Variants in NIPBL observed in about 807,000 individuals in gnomAD.
NIPBL encodes the protein NIPBL cohesin loading factor.
In NIPBL, 19 loss-of-function variants were observed where a neutral mutation model predicts 321.8. The ratio of observed to expected loss-of-function variants is 0.06; its 90% CI spans 0.04 to 0.09. The LOEUF (loss-of-function observed/expected upper bound fraction) is 0.09, where lower values mean the gene tolerates loss of function less well. Among genes scored for constraint, NIPBL ranks in the 10% least tolerant of loss-of-function variants. NIPBL has a pLI of 1.00. For missense variants in NIPBL, 2,210 were observed against 3,327.0 expected (o/e 0.66, Z 8.26); for synonymous variants, 1,106 against 1,114.1 (o/e 0.99, Z 0.14).
intron 21 of NIPBL, among the ~76,000 whole-genome samples, chr5:37,011,168 A>G (rs1040083975): frequency 7.2e-5 from 11 of 152,226 alleles, no homozygotes; most frequent in Non-Finnish European, 1.0e-4. Context: ...TTATCTCAAC[A>G]AAAGTTTAAG....
In NIPBL at chr5:37,064,891, A is replaced by G. The variant is rs778876578; in HGVS notation, c.8414A>G (p.Ter2805=). The G allele has an allele frequency of 3.1e-6, 5 of 1,614,158 alleles. No individual in the cohort carries two copies. The highest frequency in any genetic ancestry group is 4.2e-6 in the Non-Finnish European group (5 of 1,180,008). The stretch of plus-strand genomic sequence containing the variant: ...GCCGCCAAGGATGGGACTTCCAGCT[A>G]ATGAATTTGTACATGCAGCCAAATT... The part of the protein sequence containing the change: ...LYAAKDGTSS[*] The change falls in exon 47 of 47, where the codon TAA becomes TGA. Residue 2805 remains the stop codon, a stop_retained_variant. Coordinates refer to ENST00000282516, the MANE Select transcript of NIPBL (RefSeq NM_133433.4).
intron 1 of NIPBL, among the ~76,000 whole-genome samples, chr5:36,890,007 A>G (rs763104192): frequency 5.9e-5 from 9 of 152,060 alleles, no homozygotes; most frequent in Non-Finnish European, 1.2e-4. Flanking sequence ...TTACATAAAA[A>G]TATTTATGAT....
Position 36,961,593 on chromosome 5 carries a change from G to T in NIPBL, c.458+10G>T. The T allele has an allele frequency of 7.0e-7, 1 of 1,435,674 alleles. No homozygotes were observed. The highest frequency in any genetic ancestry group is 1.4e-5 in the African/African-American group (1 of 71,544). The allele number at this position is 1,435,674 out of a possible 1,614,324, so 88.9% of individuals were successfully genotyped here. A position where few individuals can be genotyped will look rare whatever the true frequency, so the allele number is the denominator to read the frequency against. The stretch of plus-strand genomic sequence containing the variant: ...CACATAGCCCCTCCAGGTAATATAT[G>T]TATATATCGTTTATTAAATATTGTC... On this transcript the variant is annotated intron_variant, in intron 5 of 46. Coordinates refer to ENST00000282516, the MANE Select transcript of NIPBL (RefSeq NM_133433.4).
At chr5:37,038,564 C>T in intron 33 of NIPBL, 38 bp from the exon 34 acceptor site, 3 of 1,597,348 alleles carry the variant, frequency 1.9e-6, no homozygotes, top group Admixed American at 1.7e-5. Context: ...ACTACCTTGT[C>T]ATATTTTAGT....
chr5:37,000,619 A>G (rs1315734636), intron 12 of NIPBL, 49 bp downstream of exon 12: 2 of 1,573,790 alleles, frequency 1.3e-6, no homozygotes, highest in Admixed American at 3.4e-5. Flanking sequence ...ATTTAAATTT[A>G]GGGCTTTAAC....
chr5:36,932,243 A>C (rs1050723818), intron 1 of NIPBL, among the ~76,000 whole-genome samples: 1 of 152,182 alleles, frequency 6.6e-6, no homozygotes, highest in African/African-American at 2.4e-5. Context: ...AGTGTTCTGT[A>C]AACTTAAGTT....
At chr5:37,045,143 G>C (rs1471984091) in intron 36 of NIPBL, among the ~76,000 whole-genome samples, 1 of 152,096 alleles carries the variant, frequency 6.6e-6, no homozygotes, top group Non-Finnish European at 1.5e-5. Context: ...CCTGAGGTCG[G>C]GAGTTCGAGA....
In NIPBL at chr5:36,958,130, A is replaced by C; in HGVS notation, c.257A>C (p.Asp86Ala). The change falls in exon 4 of 47, where the codon GAT (aspartate) becomes GCT (alanine). Residue 86 changes from aspartate to alanine, a missense_variant. Coordinates refer to ENST00000282516, the MANE Select transcript of NIPBL (RefSeq NM_133433.4). ...HIELKDNLGS[D>A]DPEGDIPVLL... The stretch of plus-strand genomic sequence containing the variant: ...GAGTTGAAAGATAACCTTGGCAGTG[A>C]TGACCCAGAAGGTGACATACCAGTC... 6.2e-7 allele frequency: 1 copy of C among 1,614,078 alleles called. No homozygotes were observed. Among genetic ancestry groups the C allele is most frequent in the African/African-American group, 1.3e-5 (1 of 75,056 alleles).
intron 11 of NIPBL, among the ~76,000 whole-genome samples, chr5:36,998,487 A>T (rs149428873): frequency 6.6e-6 from 1 of 152,188 alleles, no homozygotes; most frequent in Non-Finnish European, 1.5e-5. Flanking sequence ...ATTAAAATGT[A>T]CAAAGACTAA....
chr5:37,037,415 A>G (rs1490559036), intron 33 of NIPBL, among the ~76,000 whole-genome samples: 1 of 147,612 alleles, frequency 6.8e-6, no homozygotes, highest in African/African-American at 2.5e-5. Flanking sequence ...ATATGTATAT[A>G]TATATATATA....
intron 4 of NIPBL, among the ~76,000 whole-genome samples, chr5:36,959,978 A>G (rs2149605221): frequency 6.6e-6 from 1 of 152,224 alleles, no homozygotes; most frequent in African/African-American, 2.4e-5. Flanking sequence ...CACGCCTGTA[A>G]TCCTGGCACT....
intron 1 of NIPBL, among the ~76,000 whole-genome samples, chr5:36,948,303 G>A (rs1250496118): frequency 1.3e-5 from 2 of 151,862 alleles, no homozygotes; most frequent in Non-Finnish European, 2.9e-5. Context: ...GTTGTGTTGG[G>A]TGCCACTTAT....
At chr5:36,971,185 A>G in intron 7 of NIPBL, 149 bp downstream of exon 7, 1 of 707,270 alleles carries the variant, frequency 1.4e-6, no homozygotes. Context: ...TACAGAGCTT[A>G]GTCTAGAGCA....
Position 36,996,886 on chromosome 5 carries a change from A to G in NIPBL, c.3304+1082A>G, listed in dbSNP as rs1240808651. 6.2e-6 allele frequency: 1 copy of G among 162,316 alleles called. No individual in the cohort carries two copies. Among genetic ancestry groups the G allele is most frequent in the Non-Finnish European group, 1.3e-5 (1 of 74,436 alleles). 10.1% of individuals were successfully genotyped at this position (162,316 alleles called of 1,614,324 possible). ...CCCTTCACCTCCTCCAAAGTTTTTA[A>G]TGTTAATTTACTGATTTTTTTTTAA... On this transcript the variant is annotated intron_variant, in intron 11 of 46. Coordinates refer to ENST00000282516, the MANE Select transcript of NIPBL (RefSeq NM_133433.4). The surrounding 1 kb of genome is among the most constrained non-coding windows in gnomAD (Gnocchi z 5.0).
At chr5:36,997,868 A>G (rs1006616101) in intron 11 of NIPBL, among the ~76,000 whole-genome samples, 1 of 152,054 alleles carries the variant, frequency 6.6e-6, no homozygotes, top group African/African-American at 2.4e-5. Context: ...TGCAAGCATT[A>G]TGCTGCTGAG....
Position 36,952,061 on chromosome 5 carries a change from C to CGT in NIPBL, c.-79-1556_-79-1555insTG, listed in dbSNP as rs1465111195. On this transcript the variant is annotated intron_variant, in intron 1 of 46. Coordinates refer to ENST00000282516, the MANE Select transcript of NIPBL (RefSeq NM_133433.4). Reference sequence around the variant, plus strand: ...GTGTGTGTGTGTGTGTGTGCGCGCGCGCGCGCGCGCGCATGTGTGTGTGTA... The same window carrying CGT: ...GTGTGTGTGTGTGTGTGTGCGCGCGCGTGCGCGCGCGCGCATGTGTGTGTGTA... Among the ~76,000 whole-genome samples, 10 of 87,160 alleles carry CGT rather than the reference C, an allele frequency of 1.1e-4. No homozygotes were observed. In the East Asian group the frequency reaches 4.1e-3, roughly 36 times the overall value. 57.2% of individuals were successfully genotyped at this position (87,160 alleles called of 152,430 possible). A position where few individuals can be genotyped will look rare whatever the true frequency, so the allele number is the denominator to read the frequency against.
At chr5:36,960,360 C>T (rs1287433687) in intron 4 of NIPBL, among the ~76,000 whole-genome samples, 9 of 142,610 alleles carry the variant, frequency 6.3e-5, no homozygotes, top group South Asian at 2.2e-4. Flanking sequence ...CATCTCCCTC[C>T]AAAAGAAAAA....
At chr5:37,012,968 A>G (rs1179657172) in intron 21 of NIPBL, among the ~76,000 whole-genome samples, 2 of 152,154 alleles carry the variant, frequency 1.3e-5, no homozygotes, top group African/African-American at 4.8e-5. Flanking sequence ...CCCGTTCTCA[A>G]TGAGCTGTTG....
At chr5:36,941,339 C>G (rs909626982) in intron 1 of NIPBL, among the ~76,000 whole-genome samples, 1 of 151,940 alleles carries the variant, frequency 6.6e-6, no homozygotes, top group African/African-American at 2.4e-5. Flanking sequence ...TCTATACCCC[C>G]CAATTTTACT....
Sources: allele counts gnomAD v4.1 joint callset (sites outside exome capture counted in the v4.1 genomes callset), GRCh38; gene constraint gnomAD v4.1.1; non-coding constraint Gnocchi (gnomAD v3.1); transcripts MANE v1.5; gene names NCBI Gene and HGNC (gene_info 2026-07-23, HGNC 2026-07-21).